The following ERC1 variants were observed in gnomAD, a reference collection of about 807,000 sequenced individuals.
ERC1 encodes the protein ELKS/RAB6-interacting/CAST family member 1.
Under a neutral mutation model 132.0 loss-of-function variants are expected in ERC1, and 56 were observed. The ratio of observed to expected loss-of-function variants is 0.42; its 90% CI spans 0.34 to 0.53. The LOEUF (loss-of-function observed/expected upper bound fraction) is 0.53, where lower values mean the gene tolerates loss of function less well. Among genes scored for constraint, ERC1 ranks in the 20% least tolerant of loss-of-function variants. ERC1 has a pLI of 0.03. For missense variants in ERC1, 1,202 were observed against 1,349.9 expected, an observed-to-expected ratio of 0.89 and a Z score of 1.72; for synonymous variants, 478 against 476.1, an observed-to-expected ratio of 1.00 and a Z score of -0.05.
rs145632398 is a variant in ERC1 at position 1,096,912 on chromosome 12, T to C, written c.1087-7838T>C. ...ACCAGTGTTCTGGGTTTTATAGTTA[T>C]CATGCCTTTGCTTATTATACTTATC... On this transcript the variant is annotated intron_variant, in intron 3 of 18. Transcript: ENST00000360905. Among the ~76,000 whole-genome samples, 371 of 152,340 alleles carry C rather than the reference T, an allele frequency of 2.4e-3. 2 individuals are homozygous for C. The highest frequency in any genetic ancestry group is 8.3e-3 in the African/African-American group (344 of 41,578).
rs977385075 is a variant in ERC1 at position 1,495,378 on chromosome 12, G to C, written c.*5148G>C. ...ATCTCCTAGGCCCAGGCTCTCTCTT[G>C]ACCCCAGAGAAGCCACTGTCAGGAA... On this transcript the variant is annotated 3_prime_UTR_variant, in exon 19 of 19. Coordinates refer to ENST00000360905, the MANE Select transcript of ERC1 (RefSeq NM_178040.4). 1 of 227,922 alleles carries C rather than the reference G, an allele frequency of 4.4e-6. No individual in the cohort carries two copies. Among genetic ancestry groups the C allele is most frequent in the Non-Finnish European group, 8.7e-6 (1 of 114,814 alleles). 14.1% of individuals were successfully genotyped at this position (227,922 alleles called of 1,614,324 possible).
intron 6 of ERC1, among the ~76,000 whole-genome samples, chr12:1,114,035 A>AT (rs1370788013): frequency 6.7e-6 from 1 of 150,268 alleles, no homozygotes; most frequent in African/African-American, 2.5e-5. Flanking sequence ...CTTTTTCTTT[A>AT]TTTTTTTGAG....
chr12:1,473,965 A>G (rs1203351074), intron 18 of ERC1, among the ~76,000 whole-genome samples: 1 of 152,200 alleles, frequency 6.6e-6, no homozygotes, highest in Non-Finnish European at 1.5e-5. Flanking sequence ...CTGACTGTGT[A>G]AGTTTTATGT....
At chr12:1,459,626 G>C (rs1421466158) in intron 18 of ERC1, among the ~76,000 whole-genome samples, 1 of 152,248 alleles carries the variant, frequency 6.6e-6, no homozygotes, top group Non-Finnish European at 1.5e-5. Flanking sequence ...TATCATCAAT[G>C]AATGTGAAAA....
intron 3 of ERC1, 96 bp downstream of exon 3, chr12:1,083,676 C>A: frequency 2.1e-6 from 2 of 941,164 alleles, no homozygotes; most frequent in Non-Finnish European, 3.2e-6. Flanking sequence ...CGTGCTCTGC[C>A]GTGCTGGTGG....
At chr12:1,145,891 G>A (rs2154251392) in intron 8 of ERC1, among the ~76,000 whole-genome samples, 2 of 152,190 alleles carry the variant, frequency 1.3e-5, no homozygotes, top group East Asian at 3.9e-4. Context: ...TAAGTGTCTG[G>A]CTTCATTTCT....
chr12:1,145,712 G>T (rs919801832), intron 8 of ERC1, among the ~76,000 whole-genome samples: 2 of 152,156 alleles, frequency 1.3e-5, no homozygotes, highest in Non-Finnish European at 2.9e-5. Flanking sequence ...TCAAGTCTTA[G>T]ATTTAAGTCT....
rs540236935 is a variant in ERC1 at position 1,106,537 on chromosome 12, G to A, written c.1161+1713G>A. ...TGATTTCCTCTTAAAACTTTATATC[G>A]TATACATCTTTATTCTCGGTGGGGA... On this transcript the variant is annotated intron_variant, in intron 4 of 18. Transcript: ENST00000360905. 4.0e-5 allele frequency among the ~76,000 whole-genome samples: 6 copies of A among 151,862 alleles called. No homozygotes were observed. In the South Asian group the frequency reaches 6.3e-4, roughly 16 times the overall value.
intron 15 of ERC1, among the ~76,000 whole-genome samples, chr12:1,304,919 A>G (rs962346078): frequency 6.7e-6 from 1 of 149,488 alleles, no homozygotes; most frequent in African/African-American, 2.5e-5. Flanking sequence ...CCTCCCGAGT[A>G]GCTGGGACTA....
intron 17 of ERC1, among the ~76,000 whole-genome samples, chr12:1,436,739 G>A (rs1409620393): frequency 1.3e-5 from 2 of 152,150 alleles, no homozygotes; most frequent in Non-Finnish European, 2.9e-5. Context: ...GTGTTCACAC[G>A]GGCATGCAGG....
chr12:1,453,140 G>A (rs1258192897), intron 18 of ERC1, among the ~76,000 whole-genome samples: 2 of 152,108 alleles, frequency 1.3e-5, no homozygotes, highest in Non-Finnish European at 2.9e-5. Flanking sequence ...TCATTTTCCT[G>A]CTCCAGTCTT....
In ERC1 at chr12:1,495,737, T is replaced by A. The variant is rs1366415070; in HGVS notation, c.*5507T>A. 8.9e-6 allele frequency: 2 copies of A among 224,198 alleles called. No individual in the cohort carries two copies. Among genetic ancestry groups the A allele is most frequent in the Non-Finnish European group, 1.8e-5 (2 of 112,394 alleles). The allele number at this position is 224,198 out of a possible 1,614,324, so 13.9% of individuals were successfully genotyped here. On this transcript the variant is annotated 3_prime_UTR_variant, in exon 19 of 19. Coordinates refer to ENST00000360905, the MANE Select transcript of ERC1 (RefSeq NM_178040.4). ...GCAGCCTCCATGGTGGTGTCTGGGA[T>A]GCACGTGCACCCGCTGCCTTCAGCT... is the stretch of plus-strand genomic sequence containing the variant.
chr12:1,236,104 A>G (rs1430170485), intron 12 of ERC1, among the ~76,000 whole-genome samples: 1 of 152,090 alleles, frequency 6.6e-6, no homozygotes, highest in African/African-American at 2.4e-5. Flanking sequence ...GCTCAAAAAC[A>G]TGTAAACTAT....
chr12:1,133,039 G>A lies in ERC1; in HGVS notation c.1570-8581G>A, dbSNP rs556409201. Among the ~76,000 whole-genome samples, 11 of 152,074 alleles carry A rather than the reference G, an allele frequency of 7.2e-5. No individual in the cohort carries two copies. The South Asian group carries it at 2.1e-3, about 29-fold the overall frequency. On this transcript the variant is annotated intron_variant, in intron 7 of 18. Transcript: ENST00000360905. The stretch of plus-strand genomic sequence containing the variant: ...CCTGACTAATTTTTCTGTATTTTTA[G>A]TAGAGACGGGATTTCACATTGTTGG...
chr12:1,100,743 A>G (rs1389362377), intron 3 of ERC1, among the ~76,000 whole-genome samples: 1 of 152,152 alleles, frequency 6.6e-6, no homozygotes, highest in Non-Finnish European at 1.5e-5. Context: ...CAGATGTGTT[A>G]ACAGTGGGGC....
At position 1,255,456 on chromosome 12, in the gene ERC1, A is replaced by G. The variant is rs576556166; in HGVS notation, c.2488-7578A>G. On this transcript the variant is annotated intron_variant, in intron 13 of 18. Transcript: ENST00000360905. The stretch of plus-strand genomic sequence containing the variant: ...AATGATTTATAATCCTTTGGGGTAT[A>G]TACCCAGTAATGGGATTGCCGGGTC... Among the ~76,000 whole-genome samples the G allele has an allele frequency of 6.0e-4, 92 of 152,194 alleles. 1 individual carries two copies. The highest frequency in any genetic ancestry group is 2.1e-3 in the African/African-American group (88 of 41,510).
chr12:994,628 C>G (rs1960406257), intron 1 of ERC1, among the ~76,000 whole-genome samples: 1 of 152,186 alleles, frequency 6.6e-6, no homozygotes, highest in Non-Finnish European at 1.5e-5. Flanking sequence ...TCACTAACAT[C>G]ATTTGAAGTT....
At chr12:1,185,717 A>G (rs947806057) in intron 11 of ERC1, among the ~76,000 whole-genome samples, 1 of 147,734 alleles carries the variant, frequency 6.8e-6, no homozygotes, top group Non-Finnish European at 1.5e-5. Context: ...TTCCCGAAAT[A>G]GGAACTCTAG....
At chr12:1,157,244 AG>A (rs2154258791) in intron 8 of ERC1, among the ~76,000 whole-genome samples, 1 of 152,310 alleles carries the variant, frequency 6.6e-6, no homozygotes, top group Admixed American at 6.5e-5. Flanking sequence ...GCTGGGCTAC[AG>A]CCGCACACAC....
Sources: gnomAD v4.1 joint callset for allele counts (sites outside exome capture counted in the v4.1 genomes callset) on GRCh38, gnomAD v4.1.1 for gene constraint, MANE v1.5 for transcripts, NCBI Gene and HGNC (gene_info 2026-07-23, HGNC 2026-07-21) for gene names.